Variants in HELZ observed in about 807,000 individuals in gnomAD.
HELZ encodes ATP-dependent RNA helicase with zinc finger domain.
In HELZ, 23 loss-of-function variants were observed where a neutral mutation model predicts 218.2. That is an observed-to-expected ratio of 0.11 (90% confidence interval 0.08 to 0.15). The LOEUF (loss-of-function observed/expected upper bound fraction) is 0.15, where lower values mean the gene tolerates loss of function less well. Among genes scored for constraint, HELZ ranks in the 10% least tolerant of loss-of-function variants. The probability of loss-of-function intolerance (pLI) is 1.00; values close to 1 mark genes in which losing one functional copy is unlikely to be tolerated. For synonymous variants in HELZ, 814 were observed against 829.4 expected (o/e 0.98, Z 0.32); for missense variants, 1,813 against 2,353.7 (o/e 0.77, Z 4.75).
intron 31 of HELZ, among the ~76,000 whole-genome samples, chr17:67,092,368 GA>G (rs1196631176): frequency 1.3e-5 from 2 of 152,116 alleles, no homozygotes; most frequent in African/African-American, 2.4e-5. Context: ...TCACCTAGCA[GA>G]ATTCCACAGA....
rs1233350473 is a variant in HELZ, at chr17:67,101,058, C to T, written c.5241+6111G>A. On this transcript the variant is annotated intron_variant, in intron 31 of 32. Coordinates refer to ENST00000358691, the MANE Select transcript of HELZ (RefSeq NM_014877.4). ...CCGGGAGGCGGAGCTTGCAGTGAGC[C>T]CAGATAGCGCCACTGCACTGCAGCC... is the stretch of plus-strand genomic sequence containing the variant. Among the ~76,000 whole-genome samples, 4 of 150,236 alleles carry T rather than the reference C, an allele frequency of 2.7e-5. No individual in the cohort carries two copies. The East Asian group carries it at 7.8e-4, about 29-fold the overall frequency.
intron 31 of HELZ, among the ~76,000 whole-genome samples, chr17:67,093,743 TC>T (rs1321813537): frequency 1.3e-5 from 2 of 152,190 alleles, no homozygotes; most frequent in African/African-American, 2.4e-5. Context: ...TACCCCACAG[TC>T]CAAGCCACAA....
In HELZ at chr17:67,073,039, T is replaced by C. The variant is rs904959023; in HGVS notation, c.*5213A>G. 5 of 152,210 alleles carry C rather than the reference T, an allele frequency of 3.3e-5. No individual in the cohort carries two copies. Among genetic ancestry groups the C allele is most frequent in the African/African-American group, 9.7e-5 (4 of 41,450 alleles). The allele number at this position is 152,210 out of a possible 1,614,324, so 9.4% of individuals were successfully genotyped here. A position where few individuals can be genotyped will look rare whatever the true frequency, so the allele number is the denominator to read the frequency against. ...GATACTGGCTGAAGTTTGAGAACCA[T>C]TGCTCCATCCTGTTCACAATTCTCA... On this transcript the variant is annotated 3_prime_UTR_variant, in exon 33 of 33. Coordinates refer to ENST00000358691, the MANE Select transcript of HELZ (RefSeq NM_014877.4).
chr17:67,184,848 T>TA (rs1396498337), intron 12 of HELZ, among the ~76,000 whole-genome samples: 1 of 150,848 alleles, frequency 6.6e-6, no homozygotes, highest in Non-Finnish European at 1.5e-5. Flanking sequence ...AATAAATAAA[T>TA]AGAGATATTT....
At chr17:67,086,587 TATATACATA>T (rs2036379789) in intron 32 of HELZ, among the ~76,000 whole-genome samples, 1 of 137,600 alleles carries the variant, frequency 7.3e-6, no homozygotes, top group South Asian at 2.2e-4. Context: ...ATCTCAAATA[TATATACATA>T]TATTAATATA....
chr17:67,135,932 A>C (rs769780691), intron 23 of HELZ, 38 bp downstream of exon 23: 8 of 1,495,466 alleles, frequency 5.3e-6, no homozygotes, highest in African/African-American at 2.8e-5. Flanking sequence ...ATCATGTCAC[A>C]TTTCCCCTTT....
Position 67,072,665 on chromosome 17 carries a change from G to A in HELZ, c.*5587C>T, listed in dbSNP as rs748379102. 4 of 152,278 alleles carry A rather than the reference G, an allele frequency of 2.6e-5. No homozygotes were observed. The highest frequency in any genetic ancestry group is 5.9e-5 in the Non-Finnish European group (4 of 68,078). 9.4% of individuals were successfully genotyped at this position (152,278 alleles called of 1,614,324 possible). ...AGTGCAGACCCCAGCAGGGGTGAGA[G>A]TGAGGAGGGGTGGTGGCCAATCCAA... is the stretch of plus-strand genomic sequence containing the variant. On this transcript the variant is annotated 3_prime_UTR_variant, in exon 33 of 33. Coordinates refer to ENST00000358691, the MANE Select transcript of HELZ (RefSeq NM_014877.4).
chr17:67,085,225 C>A (rs997043655), intron 32 of HELZ, among the ~76,000 whole-genome samples: 53 of 152,104 alleles, frequency 3.5e-4, no homozygotes, highest in African/African-American at 1.1e-3. Flanking sequence ...TTGAGACCAG[C>A]CTGGGAAACA....
At chr17:67,149,245 G>A (rs575358858) in intron 19 of HELZ, among the ~76,000 whole-genome samples, 29 of 152,244 alleles carry the variant, frequency 1.9e-4, no homozygotes, top group Middle Eastern at 3.4e-3. Flanking sequence ...AACAGAGCTT[G>A]TTCCTCTACA....
chr17:67,223,091 CA>C (rs1170812696), intron 3 of HELZ, among the ~76,000 whole-genome samples: 8,643 of 95,138 alleles, frequency 0.091, 300 homozygotes, highest in East Asian at 0.2. Context: ...ACTAAAAATA[CA>C]AAAAAAAAAA....
intron 21 of HELZ, among the ~76,000 whole-genome samples, chr17:67,142,491 G>A (rs763762975): frequency 2.6e-5 from 4 of 152,152 alleles, no homozygotes; most frequent in Non-Finnish European, 4.4e-5. Context: ...CTAGGTGACA[G>A]AGCAAGACCC....
At chr17:67,155,471 T>C (rs912200226) in intron 17 of HELZ, among the ~76,000 whole-genome samples, 5 of 152,180 alleles carry the variant, frequency 3.3e-5, no homozygotes, top group East Asian at 1.9e-4. Flanking sequence ...AAACAGTAAG[T>C]ATTATTAATG....
chr17:67,109,065 G>A (rs756663507), intron 29 of HELZ, 51 bp downstream of exon 29: 5 of 1,383,636 alleles, frequency 3.6e-6, no homozygotes, highest in Non-Finnish European at 5.0e-6. Context: ...TACAGTCCAA[G>A]TCATGTTAAG....
chr17:67,091,958 G>A (rs1009375427), intron 31 of HELZ, among the ~76,000 whole-genome samples: 1 of 152,084 alleles, frequency 6.6e-6, no homozygotes, highest in Admixed American at 6.6e-5. Context: ...CAGTTCCCTA[G>A]AGAGAAAAAA....
At chr17:67,190,950 C>T (rs985542254) in intron 9 of HELZ, among the ~76,000 whole-genome samples, 5 of 151,320 alleles carry the variant, frequency 3.3e-5, no homozygotes, top group Non-Finnish European at 7.4e-5. Flanking sequence ...CTTGGTGATC[C>T]ACCCGCCTCG....
In HELZ at chr17:67,077,609, T is replaced by C. The variant is rs2036052636; in HGVS notation, c.*643A>G. On this transcript the variant is annotated 3_prime_UTR_variant, in exon 33 of 33. Coordinates refer to ENST00000358691, the MANE Select transcript of HELZ (RefSeq NM_014877.4). Reference sequence around the variant, plus strand: ...TTTCAAAAAACAGTGGCATACAAAATATGCCTGCAAAGAATGCCTTTAACT... The same window carrying C: ...TTTCAAAAAACAGTGGCATACAAAACATGCCTGCAAAGAATGCCTTTAACT... The C allele has an allele frequency of 1.3e-5, 2 of 151,668 alleles. No individual in the cohort carries two copies. Among genetic ancestry groups the C allele is most frequent in the Admixed American group, 1.3e-4 (2 of 15,164 alleles). 9.4% of individuals were successfully genotyped at this position (151,668 alleles called of 1,614,324 possible). A position where few individuals can be genotyped will look rare whatever the true frequency, so the allele number is the denominator to read the frequency against.
At chr17:67,091,212 A>G (rs1420489386) in intron 31 of HELZ, among the ~76,000 whole-genome samples, 1 of 152,092 alleles carries the variant, frequency 6.6e-6, no homozygotes, top group East Asian at 1.9e-4. Flanking sequence ...AAGGACTACA[A>G]TAAAGTAAAA....
At position 67,089,950 on chromosome 17, in the gene HELZ, T is replaced by C. The variant is rs920486152; in HGVS notation, c.5242-2869A>G. The stretch of plus-strand genomic sequence containing the variant: ...GCACTGGCTAAGACTTCCAGCACAG[T>C]GTTGAAGAGGAATGTTGAGAACAAA... On this transcript the variant is annotated intron_variant, in intron 31 of 32. Coordinates refer to ENST00000358691, the MANE Select transcript of HELZ (RefSeq NM_014877.4). Among the ~76,000 whole-genome samples, 92 of 151,924 alleles carry C rather than the reference T, an allele frequency of 6.1e-4. 1 individual carries two copies. Among genetic ancestry groups the C allele is most frequent in the Admixed American group, 2.0e-4 (3 of 15,242 alleles).
At chr17:67,167,971 AC>A (rs1263654145) in intron 13 of HELZ, among the ~76,000 whole-genome samples, 175 bp from the exon 14 acceptor site, 6 of 147,486 alleles carry the variant, frequency 4.1e-5, no homozygotes, top group Admixed American at 1.3e-4. Flanking sequence ...GCTGGAAACA[AC>A]AAAAAAAAAT....
Sources: gnomAD v4.1 joint callset for allele counts (sites outside exome capture counted in the v4.1 genomes callset) on GRCh38, gnomAD v4.1.1 for gene constraint, MANE v1.5 for transcripts, NCBI Gene and HGNC (gene_info 2026-07-23, HGNC 2026-07-21) for gene names.